Variants in ZFP82 observed in about 807,000 individuals in gnomAD.
The protein encoded by ZFP82 is ZFP82 zinc finger protein.
A neutral mutation model predicts 54.0 loss-of-function variants in ZFP82; 30 were observed. The observed-to-expected ratio is 0.56, with a 90% CI of 0.42 to 0.75. ZFP82 has a LOEUF of 0.75. ZFP82 is among the 30% of genes least tolerant of loss of function. The probability of loss-of-function intolerance (pLI) is 0.00; values close to 1 mark genes in which losing one functional copy is unlikely to be tolerated. For missense variants in ZFP82, 500 were observed against 636.8 expected (o/e 0.79, Z 2.31); for synonymous variants, 194 against 209.5 (o/e 0.93, Z 0.64).
downstream of ZFP82, among the ~76,000 whole-genome samples, chr19:36,387,962 T>A (rs1267040118): frequency 6.6e-6 from 1 of 152,240 alleles, no homozygotes; most frequent in Non-Finnish European, 1.5e-5. Flanking sequence ...AAGGTAATAA[T>A]TTTTGTGTTG....
At chr19:36,412,337 T>C (rs978351365) in intron 1 of ZFP82, among the ~76,000 whole-genome samples, 1 of 152,212 alleles carries the variant, frequency 6.6e-6, no homozygotes, top group African/African-American at 2.4e-5. Context: ...AAACATATAT[T>C]TTAACTTTGC....
intron 4 of ZFP82, among the ~76,000 whole-genome samples, chr19:36,404,480 C>T (rs2032446886): frequency 6.6e-6 from 1 of 152,200 alleles, no homozygotes; most frequent in South Asian, 2.1e-4. Flanking sequence ...AAACGACTTC[C>T]AGCCTTGGAC....
At chr19:36,410,344 T>G (rs566709005) in intron 1 of ZFP82, among the ~76,000 whole-genome samples, 1 of 152,288 alleles carries the variant, frequency 6.6e-6, no homozygotes, top group East Asian at 1.9e-4. Flanking sequence ...CAACCTAGGC[T>G]GAACAGGCAT....
intron 4 of ZFP82, among the ~76,000 whole-genome samples, chr19:36,396,386 G>A (rs1600099913): frequency 6.6e-6 from 1 of 152,012 alleles, no homozygotes; most frequent in East Asian, 1.9e-4. Context: ...AGTGGCTCAC[G>A]CACATAATCC....
intron 4 of ZFP82, chr19:36,394,548 G>C: frequency 5.8e-6 from 1 of 171,350 alleles, no homozygotes; most frequent in Non-Finnish European, 1.2e-5. Flanking sequence ...AGCTCACTGT[G>C]GTTAAGAAGG....
At chr19:36,399,525 G>A (rs1483508266) in intron 4 of ZFP82, among the ~76,000 whole-genome samples, 1 of 152,218 alleles carries the variant, frequency 6.6e-6, no homozygotes, top group Non-Finnish European at 1.5e-5. Flanking sequence ...GGCTGGTCAT[G>A]TCCTGGGGAT....
intron 1 of ZFP82, among the ~76,000 whole-genome samples, chr19:36,413,232 G>A (rs888628036): frequency 2.6e-5 from 4 of 152,056 alleles, no homozygotes; most frequent in African/African-American, 4.8e-5. Flanking sequence ...CCAACATGAC[G>A]AAACTCCATC....
chr19:36,412,187 A>C (rs1407248317), intron 1 of ZFP82, among the ~76,000 whole-genome samples: 1 of 152,228 alleles, frequency 6.6e-6, no homozygotes, highest in Non-Finnish European at 1.5e-5. Flanking sequence ...TTAGAAAAAT[A>C]AAATGAACAT....
intron 1 of ZFP82, among the ~76,000 whole-genome samples, chr19:36,414,903 C>A (rs1043613331): frequency 6.6e-5 from 10 of 150,838 alleles, no homozygotes; most frequent in Non-Finnish European, 1.0e-4. Flanking sequence ...CTCACTGCAA[C>A]CTCCACCTTC....
chr19:36,410,542 G>A (rs1342994842), intron 1 of ZFP82, among the ~76,000 whole-genome samples: 1 of 151,486 alleles, frequency 6.6e-6, no homozygotes, highest in East Asian at 2.0e-4. Context: ...TGCTCTTATT[G>A]CCCAGGTTGG....
intron 1 of ZFP82, among the ~76,000 whole-genome samples, chr19:36,410,888 A>G (rs1004486374): frequency 2.6e-5 from 4 of 152,016 alleles, no homozygotes; most frequent in Admixed American, 6.6e-5. Flanking sequence ...AGAAATTCAC[A>G]TGAAGAGAAA....
At position 36,403,322 on chromosome 19, in the gene ZFP82, C is replaced by CA. The variant is rs138418003; in HGVS notation, c.229+2257dup. Among the ~76,000 whole-genome samples, 193 of 65,486 alleles carry CA rather than the reference C, an allele frequency of 2.9e-3. 1 individual carries two copies. Among genetic ancestry groups the CA allele is most frequent in the East Asian group, 0.026 (60 of 2,324 alleles). 43.0% of individuals were successfully genotyped at this position (65,486 alleles called of 152,430 possible). A position where few individuals can be genotyped will look rare whatever the true frequency, so the allele number is the denominator to read the frequency against. ...TGGGGAACAGAGTAAGACTCCATCT[C>CA]AAAAAAAAAAAAAAAAAAAGGCCAG... On this transcript the variant is annotated intron_variant, in intron 4 of 4. Coordinates refer to ENST00000392161, the MANE Select transcript of ZFP82 (RefSeq NM_133466.4).
intron 4 of ZFP82, among the ~76,000 whole-genome samples, chr19:36,405,233 A>G (rs1327767433): frequency 6.6e-6 from 1 of 152,066 alleles, no homozygotes; most frequent in Non-Finnish European, 1.5e-5. Context: ...CAACTGAATC[A>G]AAATATACAA....
At chr19:36,404,266 C>G (rs1568487868) in intron 4 of ZFP82, among the ~76,000 whole-genome samples, 1 of 152,322 alleles carries the variant, frequency 6.6e-6, no homozygotes, top group Non-Finnish European at 1.5e-5. Flanking sequence ...TGGCACATGG[C>G]AGGACAGAAG....
chr19:36,408,371 CCTTT>C (rs1410594327), intron 2 of ZFP82, among the ~76,000 whole-genome samples: 1 of 152,166 alleles, frequency 6.6e-6, no homozygotes, highest in African/African-American at 2.4e-5. Context: ...TTCTTCCGCC[CCTTT>C]CTTCTTAAAG....
At chr19:36,384,139 G>T (rs910961347), downstream of ZFP82, 6 of 152,060 alleles carry the variant, frequency 3.9e-5, no homozygotes, top group Non-Finnish European at 4.4e-5. Flanking sequence ...AAATACCTTA[G>T]AGAAACTCTT....
downstream of ZFP82, among the ~76,000 whole-genome samples, chr19:36,388,629 A>C (rs991080537): frequency 6.6e-6 from 1 of 152,186 alleles, no homozygotes; most frequent in African/African-American, 2.4e-5. Flanking sequence ...TAGCTATTTC[A>C]CTTTTTCCAT....
At chr19:36,405,490 G>A (rs2032465000) in intron 4 of ZFP82, 90 bp downstream of exon 4, 2 of 927,098 alleles carry the variant, frequency 2.2e-6, no homozygotes, top group East Asian at 2.5e-5. Context: ...CTTTCAAGAG[G>A]GCTTTCTAAA....
At chr19:36,394,424 T>C (rs2032261775) in intron 4 of ZFP82, 2 of 286,168 alleles carry the variant, frequency 7.0e-6, no homozygotes, top group Non-Finnish European at 1.3e-5. Flanking sequence ...GATCAGACTC[T>C]GCAGTCCTGG....
Sources: gnomAD v4.1 joint callset for allele counts (sites outside exome capture counted in the v4.1 genomes callset) on GRCh38, gnomAD v4.1.1 for gene constraint, MANE v1.5 for transcripts, NCBI Gene and HGNC (gene_info 2026-07-23, HGNC 2026-07-21) for gene names.